TMEM132D: variants seen among roughly 807,000 people sequenced by gnomAD.
The protein encoded by TMEM132D is transmembrane protein 132D, also known as mature OL transmembrane protein.
A neutral mutation model predicts 62.3 loss-of-function variants in TMEM132D; 21 were observed. That is an observed-to-expected ratio of 0.34 (90% CI 0.24 to 0.49). The LOEUF is 0.49. TMEM132D is among the 20% of genes least tolerant of loss of function. The probability of loss-of-function intolerance (pLI) is 0.99; values close to 1 mark genes in which losing one functional copy is unlikely to be tolerated. For missense variants in TMEM132D, 1,346 were observed against 1,402.8 expected (o/e 0.96, Z 0.65); for synonymous variants, 621 against 575.6 (o/e 1.08, Z -1.13).
At chr12:129,461,706 CG>C (rs1409032413) in intron 3 of TMEM132D, among the ~76,000 whole-genome samples, 1 of 56,126 alleles carries the variant, frequency 1.8e-5, no homozygotes, top group African/African-American at 7.0e-5. Flanking sequence ...TATGACTAGG[CG>C]GGAAGGTAGG....
intron 2 of TMEM132D, among the ~76,000 whole-genome samples, chr12:129,604,270 C>T (rs1486497490): frequency 1.3e-5 from 2 of 152,150 alleles, no homozygotes; most frequent in African/African-American, 4.8e-5. Context: ...CCCACCATGG[C>T]AGACGTATAC....
At chr12:129,525,797 C>T (rs1380937147) in intron 3 of TMEM132D, among the ~76,000 whole-genome samples, 1 of 152,186 alleles carries the variant, frequency 6.6e-6, no homozygotes, top group East Asian at 1.9e-4. Flanking sequence ...TTATGTTCTT[C>T]CCACTCTCTT....
intron 3 of TMEM132D, among the ~76,000 whole-genome samples, chr12:129,394,249 G>A (rs1386965860): frequency 6.6e-6 from 1 of 152,124 alleles, no homozygotes; most frequent in Non-Finnish European, 1.5e-5. Flanking sequence ...TCAGATACAT[G>A]AAGAGATTTT....
At chr12:129,152,026 C>T (rs1366540876) in intron 5 of TMEM132D, among the ~76,000 whole-genome samples, 3 of 152,004 alleles carry the variant, frequency 2.0e-5, no homozygotes, top group East Asian at 1.9e-4. Flanking sequence ...TACAGGCGCC[C>T]GCCATCATGC....
At chr12:129,740,914 C>T (rs1451909) in intron 1 of TMEM132D, among the ~76,000 whole-genome samples, 37,532 of 152,024 alleles carry the variant, frequency 0.25, 5,468 homozygotes, top group East Asian at 0.38. Flanking sequence ...ATTCAGGTGA[C>T]CTCAGGCCTT....
chr12:129,577,246 C>A (rs1462029136), intron 2 of TMEM132D, among the ~76,000 whole-genome samples: 1 of 151,830 alleles, frequency 6.6e-6, no homozygotes, highest in African/African-American at 2.4e-5. Flanking sequence ...CAGATACTCA[C>A]AACTCTCAGG....
intron 3 of TMEM132D, among the ~76,000 whole-genome samples, chr12:129,500,226 A>G (rs1216975215): frequency 1.4e-5 from 2 of 146,184 alleles, no homozygotes; most frequent in African/African-American, 5.1e-5. Context: ...CTGAGTGGGG[A>G]GGCAATTCAC....
intron 3 of TMEM132D, among the ~76,000 whole-genome samples, chr12:129,404,848 A>G (rs1871732906): frequency 6.6e-6 from 1 of 152,118 alleles, no homozygotes; most frequent in African/African-American, 2.4e-5. Flanking sequence ...TAGGGATCAC[A>G]TTTCAACATG....
chr12:129,420,294 T>G (rs1434270213), intron 3 of TMEM132D, among the ~76,000 whole-genome samples: 1 of 144,834 alleles, frequency 6.9e-6, no homozygotes, highest in Non-Finnish European at 1.5e-5. Flanking sequence ...TTCAAATTAT[T>G]GCACGTTCTC....
chr12:129,738,668 A>G (rs1443425592), intron 1 of TMEM132D, among the ~76,000 whole-genome samples: 2 of 152,180 alleles, frequency 1.3e-5, no homozygotes, highest in African/African-American at 2.4e-5. Flanking sequence ...TGATTCAGTC[A>G]GACCCATTTT....
At chr12:129,566,833 C>G (rs1877380585) in intron 2 of TMEM132D, among the ~76,000 whole-genome samples, 1 of 152,164 alleles carries the variant, frequency 6.6e-6, no homozygotes, top group Middle Eastern at 3.2e-3. Context: ...TTCCACAACC[C>G]CTTATCTTAA....
chr12:129,380,585 A>G (rs965764487), intron 3 of TMEM132D, among the ~76,000 whole-genome samples: 4 of 151,662 alleles, frequency 2.6e-5, no homozygotes, highest in African/African-American at 9.7e-5. Context: ...GTGTGTGTGC[A>G]TCTCTATTTA....
intron 3 of TMEM132D, among the ~76,000 whole-genome samples, chr12:129,401,082 C>T (rs962112784): frequency 1.3e-5 from 2 of 152,256 alleles, no homozygotes; most frequent in Admixed American, 1.3e-4. Context: ...TGGGCCTGGC[C>T]ATCACAAAGC....
At chr12:129,633,050 A>T (rs1015117493) in intron 2 of TMEM132D, among the ~76,000 whole-genome samples, 4 of 152,170 alleles carry the variant, frequency 2.6e-5, no homozygotes, top group Non-Finnish European at 5.9e-5. Context: ...TTTTTTCTGT[A>T]TTCAATACAA....
intron 1 of TMEM132D, chr12:129,854,504 T>C (rs1873653303): frequency 6.6e-6 from 1 of 152,188 alleles, no homozygotes; most frequent in Non-Finnish European, 1.5e-5. Flanking sequence ...GGAAGAGCAC[T>C]GAAATGGATT....
At chr12:129,345,283 C>T (rs1442492066) in intron 3 of TMEM132D, among the ~76,000 whole-genome samples, 1 of 152,194 alleles carries the variant, frequency 6.6e-6, no homozygotes, top group East Asian at 1.9e-4. Context: ...TGCAGCTGGC[C>T]TTCAAAACCT....
chr12:129,500,045 C>T (rs113325411), intron 3 of TMEM132D, among the ~76,000 whole-genome samples: 1,959 of 148,588 alleles, frequency 0.013, 33 homozygotes, highest in African/African-American at 0.046. Flanking sequence ...CCTCATCTGT[C>T]CCCCATCAGT....
intron 5 of TMEM132D, among the ~76,000 whole-genome samples, chr12:129,129,837 A>G (rs1186356601): frequency 6.6e-6 from 1 of 152,062 alleles, no homozygotes; most frequent in Non-Finnish European, 1.5e-5. Flanking sequence ...TGAGCTTTTT[A>G]TGCCTCCTCA....
At chr12:129,589,450 G>T (rs749795761) in intron 2 of TMEM132D, among the ~76,000 whole-genome samples, 1 of 152,130 alleles carries the variant, frequency 6.6e-6, no homozygotes, top group Non-Finnish European at 1.5e-5. Flanking sequence ...AATACATGGG[G>T]GAAGGGATGG....
Sources: allele counts gnomAD v4.1 joint callset (sites outside exome capture counted in the v4.1 genomes callset), GRCh38; gene constraint gnomAD v4.1.1; transcripts MANE v1.5; gene names NCBI Gene and HGNC (gene_info 2026-07-23, HGNC 2026-07-21).